The following PRDM10 variants were observed in gnomAD, a reference collection of about 807,000 sequenced individuals.
PRDM10 encodes the protein PR domain zinc finger protein 10.
PRDM10 carries 65 observed loss-of-function variants against 133.1 expected under a neutral mutation model. That is an observed-to-expected ratio of 0.49 (90% CI 0.40 to 0.60). The LOEUF (loss-of-function observed/expected upper bound fraction) is 0.60. PRDM10 is among the 20% of genes least tolerant of loss of function. The pLI is 0.00. For synonymous variants in PRDM10, 582 were observed against 580.4 expected, an observed-to-expected ratio of 1.00 and a Z score of -0.04; for missense variants, 1,137 against 1,507.1, an observed-to-expected ratio of 0.75 and a Z score of 4.07.
intron 6 of PRDM10, among the ~76,000 whole-genome samples, chr11:129,943,052 T>C (rs1387197667): frequency 6.6e-6 from 1 of 152,186 alleles, no homozygotes; most frequent in African/African-American, 2.4e-5. Flanking sequence ...CTAGGAGATT[T>C]TGAGAACACA....
chr11:129,946,105 G>A (rs560700231), intron 5 of PRDM10, among the ~76,000 whole-genome samples: 9 of 151,824 alleles, frequency 5.9e-5, no homozygotes, highest in East Asian at 3.9e-4. Flanking sequence ...TTAGCTGGGC[G>A]TGGTGGTGCA....
chr11:129,991,035 A>G (rs1938715410), intron 1 of PRDM10, among the ~76,000 whole-genome samples: 1 of 152,206 alleles, frequency 6.6e-6, no homozygotes, highest in Non-Finnish European at 1.5e-5. Context: ...GGTACCTTCC[A>G]TTAGCTGAGG....
At chr11:129,903,823 T>C (rs1447749694) in intron 20 of PRDM10, among the ~76,000 whole-genome samples, 2 of 152,020 alleles carry the variant, frequency 1.3e-5, no homozygotes, top group Admixed American at 6.6e-5. Flanking sequence ...CTAGGGTCCA[T>C]TGACTCCTAG....
intron 19 of PRDM10, among the ~76,000 whole-genome samples, chr11:129,908,466 T>G (rs1404603212): frequency 6.6e-6 from 1 of 152,208 alleles, no homozygotes; most frequent in Non-Finnish European, 1.5e-5. Flanking sequence ...AGCAAAACCC[T>G]GTCTCAAATG....
chr11:129,942,681 A>G, intron 6 of PRDM10, 52 bp from the exon 7 acceptor site: 1 of 1,469,794 alleles, frequency 6.8e-7, no homozygotes, highest in Non-Finnish European at 9.4e-7. Flanking sequence ...TCAATATGAG[A>G]CACATTTTAT....
At chr11:129,905,363 GAA>G (rs57268294) in intron 20 of PRDM10, among the ~76,000 whole-genome samples, 18 of 69,434 alleles carry the variant, frequency 2.6e-4, no homozygotes, top group African/African-American at 7.4e-4. Context: ...CTCTGTCTCA[GAA>G]AAAAAAAAAA....
intron 1 of PRDM10, among the ~76,000 whole-genome samples, chr11:129,994,754 C>A (rs1938957889): frequency 6.6e-6 from 1 of 152,006 alleles, no homozygotes; most frequent in South Asian, 2.1e-4. Context: ...TGGGTTCATG[C>A]CATTCTCCTG....
intron 1 of PRDM10, among the ~76,000 whole-genome samples, chr11:129,977,095 A>T (rs1937801580): frequency 6.6e-6 from 1 of 152,016 alleles, no homozygotes. Flanking sequence ...CTTACAGAGA[A>T]AGAAGACAGC....
At chr11:129,905,564 A>T (rs913522681) in intron 20 of PRDM10, 74 bp downstream of exon 20, 2 of 1,076,052 alleles carry the variant, frequency 1.9e-6, no homozygotes, top group Non-Finnish European at 2.9e-6. Flanking sequence ...TCATTACGAG[A>T]TAAGTGGTGA....
intron 1 of PRDM10, among the ~76,000 whole-genome samples, chr11:129,964,202 G>C (rs1417166999): frequency 1.3e-5 from 2 of 152,204 alleles, no homozygotes; most frequent in African/African-American, 4.8e-5. Context: ...GCACTGGGGT[G>C]CTGCGGGGAT....
At chr11:129,959,469 CA>C (rs1211374148) in intron 2 of PRDM10, among the ~76,000 whole-genome samples, 2 of 152,126 alleles carry the variant, frequency 1.3e-5, no homozygotes, top group Non-Finnish European at 2.9e-5. Flanking sequence ...TGGTCTTCAT[CA>C]TTCATTAAAT....
At chr11:129,913,165 C>CCATG (rs1243297521) in intron 17 of PRDM10, among the ~76,000 whole-genome samples, 1 of 148,404 alleles carries the variant, frequency 6.7e-6, no homozygotes, top group African/African-American at 2.5e-5. Context: ...TTGCAGTGAG[C>CCATG]CATGATTGTG....
At position 129,944,783 on chromosome 11, in the gene PRDM10, G is replaced by T. The variant is rs143794224; in HGVS notation, c.750C>A (p.Tyr250Ter). ...GAGCATAAATTACCTTGAGGTGAAT[G>T]TAACAGTCTTTCAGCTCCGAGCCCC... ...LVRGSELKDC[Y>*]IHLKVSLDKG... is the part of the protein sequence containing the mutation. Residue 250 changes from tyrosine (Y) to a stop codon, truncating the protein, a stop_gained, in exon 6 of 21, where the codon TAC (tyrosine) becomes TAA (stop). Coordinates refer to ENST00000360871, the MANE Select transcript of PRDM10 (RefSeq NM_199437.2). LOFTEE classifies it high-confidence loss of function. 5 of 1,613,894 alleles carry T rather than the reference G, an allele frequency of 3.1e-6. No homozygotes were observed. The highest frequency in any genetic ancestry group is 2.5e-6 in the Non-Finnish European group (3 of 1,179,970).
rs141214326 is a variant in PRDM10 at position 129,997,951 on chromosome 11, A to T, written c.-119+4771T>A. 5.4e-3 allele frequency among the ~76,000 whole-genome samples: 816 copies of T among 152,336 alleles called. 8 individuals are homozygous for T. Among genetic ancestry groups the T allele is most frequent in the African/African-American group, 0.018 (769 of 41,580 alleles). On this transcript the variant is annotated intron_variant, in intron 1 of 20. Transcript: ENST00000360871. The stretch of plus-strand genomic sequence containing the variant: ...TCATTCAAATTATAGAAACCAAAAA[A>T]TATTACATCTTAATGCCACCTGGGA...
chr11:129,974,539 G>A (rs966543298), intron 1 of PRDM10, among the ~76,000 whole-genome samples: 3 of 152,114 alleles, frequency 2.0e-5, no homozygotes, highest in African/African-American at 7.2e-5. Context: ...AAAGAAAAGA[G>A]AAACATGAAT....
intron 16 of PRDM10, 81 bp from the exon 17 acceptor site, chr11:129,915,099 A>T (rs1320392928): frequency 2.0e-5 from 29 of 1,414,938 alleles, no homozygotes; most frequent in Non-Finnish European, 2.6e-5. Flanking sequence ...TCCTCCAAAG[A>T]TTCCTAAAGT....
At position 129,921,819 on chromosome 11, in the gene PRDM10, T is replaced by C. The variant is rs117349070; in HGVS notation, c.2034+1429A>G. 2.8e-3 allele frequency among the ~76,000 whole-genome samples: 423 copies of C among 152,290 alleles called. 2 individuals carry two copies. The highest frequency in any genetic ancestry group is 4.5e-3 in the Non-Finnish European group (305 of 68,020). On this transcript the variant is annotated intron_variant, in intron 13 of 20. Transcript: ENST00000360871. ...GTAGAGGTACCTGTGGGTCCCTACTTATCCTCTCTTTCCCACCCAGCCACC... is the reference window on the plus strand; with the variant it reads ...GTAGAGGTACCTGTGGGTCCCTACTCATCCTCTCTTTCCCACCCAGCCACC...
At chr11:129,964,862 T>A (rs71481899) in intron 1 of PRDM10, among the ~76,000 whole-genome samples, 8,912 of 152,308 alleles carry the variant, frequency 0.059, 358 homozygotes, top group South Asian at 0.15. Context: ...AAAATGGAGA[T>A]AATTTTATTG....
intron 9 of PRDM10, 140 bp downstream of exon 9, chr11:129,934,961 G>A: frequency 1.6e-6 from 1 of 629,808 alleles, no homozygotes; most frequent in Non-Finnish European, 2.8e-6. Flanking sequence ...GAGATGACAG[G>A]TAACACCGTT....
Sources: allele counts gnomAD v4.1 joint callset (sites outside exome capture counted in the v4.1 genomes callset), GRCh38; gene constraint gnomAD v4.1.1; transcripts MANE v1.5; gene names NCBI Gene and HGNC (gene_info 2026-07-23, HGNC 2026-07-21).